Variants in USP3 observed in about 807,000 individuals in gnomAD.
USP3 encodes ubiquitin carboxyl-terminal hydrolase 3.
A neutral mutation model predicts 72.3 loss-of-function variants in USP3; 20 were observed. The ratio of observed to expected loss-of-function variants is 0.28; its 90% confidence interval spans 0.19 to 0.40. USP3 has a LOEUF of 0.40. Among genes scored for constraint, USP3 ranks in the 10% least tolerant of loss-of-function variants. The pLI, the probability that USP3 is intolerant of heterozygous loss-of-function variation, is 1.00. For synonymous variants in USP3, 222 were observed against 225.3 expected, an observed-to-expected ratio of 0.99 and a Z score of 0.13; for missense variants, 479 against 633.9, an observed-to-expected ratio of 0.76 and a Z score of 2.62.
In USP3 at chr15:63,593,535, G is replaced by C. The variant is rs2067241317; in HGVS notation, c.*2709G>C. 1 of 152,232 alleles carries C rather than the reference G, an allele frequency of 6.6e-6. No homozygotes were observed. The highest frequency in any genetic ancestry group is 6.5e-5 in the Admixed American group (1 of 15,286). The allele number at this position is 152,232 out of a possible 1,614,324, so 9.4% of individuals were successfully genotyped here. On this transcript the variant is annotated 3_prime_UTR_variant, in exon 15 of 15. Coordinates refer to ENST00000380324, the MANE Select transcript of USP3 (RefSeq NM_006537.4). Reference sequence around the variant, plus strand: ...TTGGACTACTTTGTCGGGCAGAGTGGTCTTCAGACAGGTGATGCTGTTGGC... The same window carrying C: ...TTGGACTACTTTGTCGGGCAGAGTGCTCTTCAGACAGGTGATGCTGTTGGC...
At chr15:63,576,187 A>T (rs1297056944) in intron 11 of USP3, among the ~76,000 whole-genome samples, 1 of 152,090 alleles carries the variant, frequency 6.6e-6, no homozygotes, top group Non-Finnish European at 1.5e-5. Context: ...AGGTTTTGCC[A>T]TGTTGGCTAG....
At chr15:63,514,671 T>G (rs574574045) in intron 1 of USP3, among the ~76,000 whole-genome samples, 1 of 152,308 alleles carries the variant, frequency 6.6e-6, no homozygotes, top group Non-Finnish European at 1.5e-5. Flanking sequence ...AAGTCTTTGA[T>G]GTTAAGAGGT....
At chr15:63,583,237 G>A (rs1595773643) in intron 11 of USP3, among the ~76,000 whole-genome samples, 1 of 152,146 alleles carries the variant, frequency 6.6e-6, no homozygotes, top group African/African-American at 2.4e-5. Context: ...GGATGGAGAG[G>A]CTGGAGTGAC....
intron 3 of USP3, among the ~76,000 whole-genome samples, chr15:63,537,379 C>T (rs769522438): frequency 2.0e-5 from 3 of 152,132 alleles, no homozygotes; most frequent in Non-Finnish European, 4.4e-5. Context: ...TCTCTCCCAC[C>T]TCCCGTTCCT....
At chr15:63,567,205 C>T (rs899686485) in intron 8 of USP3, among the ~76,000 whole-genome samples, 2 of 152,048 alleles carry the variant, frequency 1.3e-5, no homozygotes, top group Admixed American at 1.3e-4. Context: ...TGATTTTTTT[C>T]GAGACAGTCT....
At chr15:63,583,026 C>T (rs2066991206) in intron 11 of USP3, among the ~76,000 whole-genome samples, 1 of 152,118 alleles carries the variant, frequency 6.6e-6, no homozygotes, top group African/African-American at 2.4e-5. Context: ...TACCACCTGC[C>T]AACTCAGTAG....
At chr15:63,551,029 A>G (rs2066429279) in intron 3 of USP3, among the ~76,000 whole-genome samples, 5 of 152,200 alleles carry the variant, frequency 3.3e-5, no homozygotes, top group Admixed American at 3.3e-4. Flanking sequence ...AAGCTGTTTT[A>G]TAGCTGGCCA....
At chr15:63,562,862 AATCT>A (rs750425357) in intron 7 of USP3, 29 bp from the exon 8 acceptor site, 2 of 1,454,112 alleles carry the variant, frequency 1.4e-6, no homozygotes, top group Non-Finnish European at 1.9e-6. Flanking sequence ...GCCTCTCACT[AATCT>A]GAGGGCACTG....
chr15:63,532,273 A>G (rs1193248393), intron 1 of USP3, among the ~76,000 whole-genome samples: 5 of 152,242 alleles, frequency 3.3e-5, no homozygotes, highest in Non-Finnish European at 7.3e-5. Context: ...CCTACATGGC[A>G]ATGACATGTG....
At chr15:63,541,276 A>G (rs962298786) in intron 3 of USP3, among the ~76,000 whole-genome samples, 1 of 152,198 alleles carries the variant, frequency 6.6e-6, no homozygotes, top group Non-Finnish European at 1.5e-5. Flanking sequence ...CAGATTTTAA[A>G]CACTTGTAAT....
At chr15:63,532,831 T>A in intron 2 of USP3, 124 bp downstream of exon 2, 1 of 977,288 alleles carries the variant, frequency 1.0e-6, no homozygotes, top group Non-Finnish European at 1.5e-6. Context: ...TAATTCCCTG[T>A]AGGGCTTCCT....
chr15:63,507,306 A>G (rs2065726116), intron 1 of USP3, among the ~76,000 whole-genome samples: 1 of 152,234 alleles, frequency 6.6e-6, no homozygotes. Flanking sequence ...GCAAAATGCC[A>G]CAACATTCTA....
chr15:63,585,778 G>T (rs1333736335), intron 11 of USP3, among the ~76,000 whole-genome samples: 4 of 149,036 alleles, frequency 2.7e-5, no homozygotes, highest in East Asian at 2.0e-4. Flanking sequence ...TTTTGTGGAG[G>T]GTATAAAAGT....
Position 63,529,487 on chromosome 15 carries a change from C to T in USP3, c.92-3160C>T, listed in dbSNP as rs1595716799. Among the ~76,000 whole-genome samples the T allele has an allele frequency of 6.6e-6, 1 of 152,144 alleles. No homozygotes were observed. Among genetic ancestry groups the T allele is most frequent in the East Asian group, 1.9e-4 (1 of 5,182 alleles). On this transcript the variant is annotated intron_variant, in intron 1 of 14. Coordinates refer to ENST00000380324, the MANE Select transcript of USP3 (RefSeq NM_006537.4). This position sits in a 1 kb window ranked among gnomAD's most constrained non-coding sequence, Gnocchi z 4.2. ...CAGTTACTTCCCATTCTCTTGACCC[C>T]CTCAGTCTTAGAGTTTTTTGGTTTT...
chr15:63,569,028 A>G (rs528636749), intron 8 of USP3, among the ~76,000 whole-genome samples: 17 of 152,326 alleles, frequency 1.1e-4, no homozygotes, highest in African/African-American at 4.1e-4. Flanking sequence ...GAAAATGCAA[A>G]TTGGTATAGC....
At chr15:63,582,771 G>GT (rs2066986087) in intron 11 of USP3, among the ~76,000 whole-genome samples, 1 of 152,200 alleles carries the variant, frequency 6.6e-6, no homozygotes, top group Non-Finnish European at 1.5e-5. Flanking sequence ...TTGGAGAGAA[G>GT]ATGAGGACAG....
intron 5 of USP3, 97 bp downstream of exon 5, chr15:63,556,845 T>C (rs2066518418): frequency 1.0e-5 from 9 of 876,436 alleles, no homozygotes; most frequent in South Asian, 1.8e-5. Context: ...TTACAGACTT[T>C]TATAAATGTG....
rs1190794885 is a variant in USP3 at position 63,592,503 on chromosome 15, G to C, written c.*1677G>C. 4 of 148,544 alleles carry C rather than the reference G, an allele frequency of 2.7e-5. No homozygotes were observed. The allele number at this position is 148,544 out of a possible 1,614,324, so 9.2% of individuals were successfully genotyped here. ...ACTCTGTCCCTCAGGCTGGAGTGCA[G>C]TGTGGCATGATCACAGCTCACTGTA... On this transcript the variant is annotated 3_prime_UTR_variant, in exon 15 of 15. Coordinates refer to ENST00000380324, the MANE Select transcript of USP3 (RefSeq NM_006537.4).
intron 2 of USP3, among the ~76,000 whole-genome samples, chr15:63,535,747 A>G (rs2066146073): frequency 6.6e-6 from 1 of 152,224 alleles, no homozygotes; most frequent in Admixed American, 6.5e-5. Flanking sequence ...TAGAGGGGCT[A>G]GGTTTGAAGT....
Sources: allele counts gnomAD v4.1 joint callset (sites outside exome capture counted in the v4.1 genomes callset), GRCh38; gene constraint gnomAD v4.1.1; non-coding constraint Gnocchi (gnomAD v3.1); transcripts MANE v1.5; gene names NCBI Gene and HGNC (gene_info 2026-07-23, HGNC 2026-07-21).